NAALADL2: variants seen among roughly 807,000 people sequenced by gnomAD.
NAALADL2 encodes N-acetylated alpha-linked acidic dipeptidase like 2.
NAALADL2 carries 76 observed loss-of-function variants against 87.2 expected under a neutral mutation model. The observed-to-expected ratio is 0.87, with a 90% CI of 0.72 to 1.05. The LOEUF (loss-of-function observed/expected upper bound fraction) is 1.05, where lower values mean the gene tolerates loss of function less well. Ranked by LOEUF, NAALADL2 falls within the 50% of genes least tolerant of loss-of-function variation. The probability of loss-of-function intolerance (pLI) is 0.00; values close to 1 mark genes in which losing one functional copy is unlikely to be tolerated. For missense variants in NAALADL2, 1,089 were observed against 945.8 expected (o/e 1.15, Z -1.99); for synonymous variants, 354 against 331.0 (o/e 1.07, Z -0.75).
chr3:175,759,831 T>G (rs1747764169), intron 13 of NAALADL2, among the ~76,000 whole-genome samples: 1 of 152,086 alleles, frequency 6.6e-6, no homozygotes, highest in Admixed American at 6.5e-5. Context: ...GAATGGTTAT[T>G]GGGTTAGTGG....
chr3:174,467,818 A>C (rs1280532145), intron 1 of NAALADL2, among the ~76,000 whole-genome samples: 1 of 152,078 alleles, frequency 6.6e-6, no homozygotes, highest in African/African-American at 2.4e-5. Context: ...AAGGGAATAA[A>C]ATATATTCAT....
At chr3:175,393,070 C>G (rs942733772) in intron 5 of NAALADL2, among the ~76,000 whole-genome samples, 1 of 151,540 alleles carries the variant, frequency 6.6e-6, no homozygotes, top group East Asian at 1.9e-4. Context: ...GTCAGGAGAT[C>G]GAGACCATCC....
At chr3:175,258,468 A>T (rs939406799) in intron 4 of NAALADL2, among the ~76,000 whole-genome samples, 1 of 152,130 alleles carries the variant, frequency 6.6e-6, no homozygotes, top group Non-Finnish European at 1.5e-5. Flanking sequence ...ATAGAGAGAT[A>T]ATTAAGAGGC....
At chr3:174,505,371 G>A (rs1174919964) in intron 1 of NAALADL2, among the ~76,000 whole-genome samples, 3 of 152,094 alleles carry the variant, frequency 2.0e-5, no homozygotes, top group Non-Finnish European at 2.9e-5. Flanking sequence ...ACTTCTAAGC[G>A]CTGATTATTT....
At chr3:175,160,138 C>T (rs1732933429) in intron 2 of NAALADL2, among the ~76,000 whole-genome samples, 1 of 151,500 alleles carries the variant, frequency 6.6e-6, no homozygotes, top group Non-Finnish European at 1.5e-5. Context: ...TTTGTCAGGC[C>T]GCAAGTGATT....
intron 2 of NAALADL2, among the ~76,000 whole-genome samples, chr3:175,101,690 G>T (rs146959894): frequency 0.016 from 2,471 of 152,256 alleles, 64 homozygotes; most frequent in African/African-American, 0.054. Context: ...AACATAGTTT[G>T]AAAATATAAT....
At chr3:175,471,889 C>A in intron 9 of NAALADL2, 131 bp downstream of exon 9, 1 of 784,650 alleles carries the variant, frequency 1.3e-6, no homozygotes, top group Non-Finnish European at 2.0e-6. Flanking sequence ...AAGAAATGAT[C>A]TATTGCTGAC....
intron 2 of NAALADL2, among the ~76,000 whole-genome samples, chr3:175,231,526 T>C (rs982599623): frequency 2.0e-4 from 31 of 152,094 alleles, no homozygotes; most frequent in African/African-American, 6.8e-4. Flanking sequence ...AATTCTTCAG[T>C]TGAGCCCTAA....
chr3:175,053,563 AAATT>A (rs1219757825), intron 1 of NAALADL2, among the ~76,000 whole-genome samples: 3 of 152,244 alleles, frequency 2.0e-5, no homozygotes. Context: ...GACAGTATCC[AAATT>A]GGCTGTTGAT....
chr3:174,656,869 C>CT (rs759405394), intron 2 of NAALADL2, among the ~76,000 whole-genome samples: 51 of 151,946 alleles, frequency 3.4e-4, no homozygotes, highest in Non-Finnish European at 6.8e-4. Flanking sequence ...TCTGTTTCAT[C>CT]TAAACTTTCT....
chr3:175,551,320 A>C (rs115477842), intron 9 of NAALADL2, among the ~76,000 whole-genome samples: 2,597 of 152,154 alleles, frequency 0.017, 64 homozygotes, highest in African/African-American at 0.057. Context: ...TCGGTGTTGT[A>C]GGGAGGGGAG....
At chr3:174,609,766 T>C (rs1310599336) in intron 2 of NAALADL2, among the ~76,000 whole-genome samples, 1 of 152,066 alleles carries the variant, frequency 6.6e-6, no homozygotes, top group Non-Finnish European at 1.5e-5. Flanking sequence ...TTCAATGTCA[T>C]CCCCATTAAG....
At chr3:174,874,775 TTATTTGAC>T (rs937546272) in intron 1 of NAALADL2, among the ~76,000 whole-genome samples, 1 of 152,108 alleles carries the variant, frequency 6.6e-6, no homozygotes, top group African/African-American at 2.4e-5. Context: ...AACAGTGTGA[TTATTTGAC>T]TGCTGAACAA....
chr3:174,997,056 A>AT (rs1747588604), intron 1 of NAALADL2, among the ~76,000 whole-genome samples: 2 of 141,086 alleles, frequency 1.4e-5, no homozygotes, highest in Middle Eastern at 7.3e-3. Context: ...ATATATATAT[A>AT]TATTTTTTTT....
At chr3:175,118,487 A>G (rs1361060444) in intron 2 of NAALADL2, among the ~76,000 whole-genome samples, 1 of 151,704 alleles carries the variant, frequency 6.6e-6, no homozygotes, top group Non-Finnish European at 1.5e-5. Flanking sequence ...TAATCACCAG[A>G]TGATGTGCTT....
At chr3:174,936,754 A>G (rs949650589) in intron 1 of NAALADL2, among the ~76,000 whole-genome samples, 3 of 152,160 alleles carry the variant, frequency 2.0e-5, no homozygotes, top group African/African-American at 7.2e-5. Flanking sequence ...CTGACAGGCC[A>G]TGTCAATACT....
At chr3:174,964,868 T>C (rs570154293) in intron 1 of NAALADL2, among the ~76,000 whole-genome samples, 1 of 150,874 alleles carries the variant, frequency 6.6e-6, no homozygotes, top group East Asian at 1.9e-4. Context: ...TATATATGTA[T>C]ATATGTAATT....
At chr3:175,433,524 G>T (rs1359511315) in intron 5 of NAALADL2, among the ~76,000 whole-genome samples, 1 of 151,934 alleles carries the variant, frequency 6.6e-6, no homozygotes, top group Non-Finnish European at 1.5e-5. Flanking sequence ...CTTATTAACA[G>T]GACCATTAGC....
chr3:175,632,614 T>C (rs912150005), intron 11 of NAALADL2, among the ~76,000 whole-genome samples: 1 of 152,068 alleles, frequency 6.6e-6, no homozygotes, highest in Admixed American at 6.6e-5. Flanking sequence ...ATAGGAGACA[T>C]GAAATAGAGT....
Sources: allele counts gnomAD v4.1 joint callset (sites outside exome capture counted in the v4.1 genomes callset), GRCh38; gene constraint gnomAD v4.1.1; transcripts MANE v1.5; gene names NCBI Gene and HGNC (gene_info 2026-07-23, HGNC 2026-07-21).